BCAP29: variants seen among roughly 807,000 people sequenced by gnomAD.
The protein encoded by BCAP29 is B cell receptor associated protein 29, also known as B-cell receptor-associated protein 29.
BCAP29 carries 34 observed loss-of-function variants against 31.8 expected under a neutral mutation model. The ratio of observed to expected loss-of-function variants is 1.07; its 90% confidence interval spans 0.81 to 1.42. The LOEUF (loss-of-function observed/expected upper bound fraction) is 1.42. Among genes scored for constraint, BCAP29 ranks in the 40% most tolerant of loss-of-function variants. BCAP29 has a pLI of 0.00. For missense variants in BCAP29, 314 were observed against 269.2 expected (o/e 1.17, Z -1.16); for synonymous variants, 104 against 91.3 (o/e 1.14, Z -0.79).
chr7:107,614,377 G>A (rs752686828), intron 7 of BCAP29, among the ~76,000 whole-genome samples: 1 of 152,068 alleles, frequency 6.6e-6, no homozygotes, highest in African/African-American at 2.4e-5. Context: ...TTTATCTTAG[G>A]CAGGTTATAG....
At chr7:107,598,692 C>G (rs1055380411) in intron 5 of BCAP29, among the ~76,000 whole-genome samples, 3 of 104,608 alleles carry the variant, frequency 2.9e-5, no homozygotes, top group African/African-American at 1.3e-4. Flanking sequence ...AATGAATCAC[C>G]CTGCAGTGAA....
chr7:107,580,779 C>T lies in BCAP29; in HGVS notation c.7C>T (p.Leu3Phe), dbSNP rs1806483572. 3.1e-6 allele frequency: 5 copies of T among 1,597,234 alleles called. No individual in the cohort carries two copies. The East Asian group carries it at 6.9e-5, about 22-fold the overall frequency. Residue 3 changes from leucine (L) to phenylalanine (F), a missense_variant, in exon 2 of 8, where the codon CTC becomes TTC. Transcript: ENST00000005259. ...TTTAGGTGTGAAGAAAAAAATGACA[C>T]TCCAATGGGCTGCAGTGGCAACCTT... MT[L>F]QWAAVATFLY...
At chr7:107,596,873 G>T (rs893066414) in intron 5 of BCAP29, among the ~76,000 whole-genome samples, 1 of 152,128 alleles carries the variant, frequency 6.6e-6, no homozygotes, top group African/African-American at 2.4e-5. Flanking sequence ...ATTTACCCAT[G>T]CAAGGAAACT....
intron 6 of BCAP29, among the ~76,000 whole-genome samples, chr7:107,601,093 TA>T (rs958139091): frequency 1.4e-4 from 21 of 148,446 alleles, no homozygotes; most frequent in South Asian, 2.1e-4. Context: ...TCTTCTACAT[TA>T]AAAAAAAAAG....
downstream of BCAP29, chr7:107,621,997 G>A (rs200826621): frequency 3.4e-5 from 16 of 472,172 alleles, no homozygotes; most frequent in South Asian, 6.7e-5. Context: ...ACACCACTCC[G>A]TCTTCCCCAT....
At chr7:107,588,724 A>C (rs1183252375) in intron 3 of BCAP29, among the ~76,000 whole-genome samples, 1 of 152,362 alleles carries the variant, frequency 6.6e-6, no homozygotes, top group African/African-American at 2.4e-5. Context: ...AACTGACTTA[A>C]GGGGTCAGAG....
chr7:107,605,695 A>T (rs977365562), intron 6 of BCAP29, among the ~76,000 whole-genome samples: 2 of 152,242 alleles, frequency 1.3e-5, no homozygotes, highest in Non-Finnish European at 2.9e-5. Flanking sequence ...CCCCTAAAAG[A>T]TCGAAGGAGA....
At chr7:107,589,848 T>C (rs1005377709) in intron 3 of BCAP29, among the ~76,000 whole-genome samples, 1 of 152,210 alleles carries the variant, frequency 6.6e-6, no homozygotes, top group Admixed American at 6.5e-5. Context: ...GAGACAGACT[T>C]TCGCTTTGTT....
At position 107,601,638 on chromosome 7, in the gene BCAP29, A is replaced by C. The variant is rs192109131; in HGVS notation, c.589+1133A>C. Among the ~76,000 whole-genome samples, 35 of 152,336 alleles carry C rather than the reference A, an allele frequency of 2.3e-4. No homozygotes were observed. In the East Asian group the frequency reaches 6.0e-3, roughly 26 times the overall value. ...CAAAAGATTTCGAACATGATCAAGA[A>C]ATGTTATTGTTTATATGAAAATGAA... On this transcript the variant is annotated intron_variant, in intron 6 of 7. Transcript: ENST00000005259.
intron 3 of BCAP29, among the ~76,000 whole-genome samples, chr7:107,590,927 T>G (rs1391065360): frequency 6.6e-6 from 1 of 151,778 alleles, no homozygotes; most frequent in Non-Finnish European, 1.5e-5. Context: ...AAAATACAGG[T>G]GGGTCAGTAT....
chr7:107,582,291 TA>T (rs1806827857), intron 2 of BCAP29, among the ~76,000 whole-genome samples: 1 of 152,186 alleles, frequency 6.6e-6, no homozygotes, highest in Admixed American at 6.5e-5. Flanking sequence ...ATCAAGTAGC[TA>T]TTAGATAGAT....
intron 6 of BCAP29, among the ~76,000 whole-genome samples, chr7:107,602,876 A>G (rs1362342160): frequency 6.6e-6 from 1 of 152,006 alleles, no homozygotes; most frequent in East Asian, 1.9e-4. Flanking sequence ...CATTTAGTGG[A>G]AAAACCTTCT....
At chr7:107,616,656 C>G (rs575937982) in intron 7 of BCAP29, among the ~76,000 whole-genome samples, 2 of 152,020 alleles carry the variant, frequency 1.3e-5, no homozygotes, top group African/African-American at 4.8e-5. Context: ...TTTTTTCCTT[C>G]ACCTACCCAT....
At chr7:107,613,799 C>A in intron 7 of BCAP29, 2 of 1,141,676 alleles carry the variant, frequency 1.8e-6, no homozygotes, top group Non-Finnish European at 2.7e-6. Flanking sequence ...TCAAGTTCCA[C>A]ATCACACTAC....
At chr7:107,587,198 A>G (rs529715507) in intron 3 of BCAP29, among the ~76,000 whole-genome samples, 278 of 152,294 alleles carry the variant, frequency 1.8e-3, no homozygotes, top group African/African-American at 6.0e-3. Flanking sequence ...GCATCCCAGG[A>G]ATTTGAAAGT....
At chr7:107,581,716 A>AAG (rs1806708087) in intron 2 of BCAP29, among the ~76,000 whole-genome samples, 1 of 152,198 alleles carries the variant, frequency 6.6e-6, no homozygotes, top group Non-Finnish European at 1.5e-5. Context: ...GAAACTTCTT[A>AAG]AAGTTTCACC....
At chr7:107,604,672 TG>T (rs1314597342) in intron 6 of BCAP29, among the ~76,000 whole-genome samples, 2 of 147,144 alleles carry the variant, frequency 1.4e-5, no homozygotes, top group African/African-American at 5.2e-5. Flanking sequence ...ATTTTGTTGT[TG>T]TTGTTGTTGT....
chr7:107,611,436 C>T (rs1813110479), intron 6 of BCAP29, among the ~76,000 whole-genome samples: 2 of 151,900 alleles, frequency 1.3e-5, no homozygotes. Context: ...GGTGGTAGAG[C>T]AAGATGTTGT....
At chr7:107,591,584 C>G (rs148790685) in intron 3 of BCAP29, among the ~76,000 whole-genome samples, 2 of 138,698 alleles carry the variant, frequency 1.4e-5, no homozygotes, top group East Asian at 4.2e-4. Flanking sequence ...ATCTCGAGCT[C>G]TCTCTCTCTC....
Sources: allele counts gnomAD v4.1 joint callset (sites outside exome capture counted in the v4.1 genomes callset), GRCh38; gene constraint gnomAD v4.1.1; transcripts MANE v1.5; gene names NCBI Gene and HGNC (gene_info 2026-07-23, HGNC 2026-07-21).